The following FANK1 variants were observed in gnomAD, a reference collection of about 807,000 sequenced individuals.
The protein encoded by FANK1 is fibronectin type III and ankyrin repeat domains 1, also known as fibronectin type 3 and ankyrin repeat domains protein 1.
A neutral mutation model predicts 45.3 loss-of-function variants in FANK1; 44 were observed. That is an observed-to-expected ratio of 0.97 (90% confidence interval 0.76 to 1.25). FANK1 has a LOEUF of 1.25. Ranked by LOEUF, FANK1 falls within the 50% of genes most tolerant of loss-of-function variation. FANK1 has a pLI of 0.00. For missense variants in FANK1, 391 were observed against 424.4 expected (o/e 0.92, Z 0.69); for synonymous variants, 149 against 152.5 (o/e 0.98, Z 0.17).
chr10:125,931,687 T>C (rs1271954473), intron 1 of FANK1, among the ~76,000 whole-genome samples: 2 of 152,266 alleles, frequency 1.3e-5, no homozygotes. Flanking sequence ...ACTGTTCTTT[T>C]GCCATGCAAA....
intron 1 of FANK1, among the ~76,000 whole-genome samples, chr10:125,897,998 CAAAAAAAAAAAAAAAAAAAA>C (rs373550249): frequency 0.039 from 660 of 16,806 alleles, 15 homozygotes; most frequent in African/African-American, 0.15. Context: ...TACTAAAATA[CAAAAAAAAAAAAAAAAAAAA>C]AAAAAAAAAA....
intron 1 of FANK1, among the ~76,000 whole-genome samples, chr10:125,957,809 G>A (rs1949676327): frequency 6.6e-6 from 1 of 152,130 alleles, no homozygotes; most frequent in African/African-American, 2.4e-5. Flanking sequence ...ATAGGCGTGA[G>A]CCACCATGCC....
intron 5 of FANK1, among the ~76,000 whole-genome samples, chr10:125,996,978 A>C (rs1486804963): frequency 6.6e-6 from 1 of 152,150 alleles, no homozygotes. Flanking sequence ...CTAAGTTATA[A>C]TTTTCACAGA....
Position 125,997,449 on chromosome 10 carries a change from C to G in FANK1, c.503C>G (p.Thr168Arg), listed in dbSNP as rs1349456522. 1 of 1,613,866 alleles carries G rather than the reference C, an allele frequency of 6.2e-7. No homozygotes were observed. The highest frequency in any genetic ancestry group is 2.2e-5 in the East Asian group (1 of 44,876). ...GTGAAAATCCTAGTTTCTAATGGCA[C>G]AGACGTGAATCTGAAGAATGGAAGT... Reference protein sequence around the residue: ...RLVKILVSNGTDVNLKNGSGK... With the variant: ...RLVKILVSNGRDVNLKNGSGK... The change falls in exon 6 of 11, where the codon ACA becomes AGA. Residue 168 changes from threonine (T) to arginine (R), a missense_variant. Transcript: ENST00000368693.
intron 1 of FANK1, among the ~76,000 whole-genome samples, chr10:125,907,679 A>G (rs993916008): frequency 5.3e-5 from 8 of 152,044 alleles, no homozygotes; most frequent in Admixed American, 5.2e-4. Context: ...AGGATATGAG[A>G]TAGACATATT....
At chr10:125,965,205 A>T (rs960797736) in intron 1 of FANK1, among the ~76,000 whole-genome samples, 1 of 152,214 alleles carries the variant, frequency 6.6e-6, no homozygotes, top group African/African-American at 2.4e-5. Flanking sequence ...GCAAAATGTC[A>T]TCATTGTAAT....
At chr10:125,956,206 G>GGA (rs1554930999) in intron 1 of FANK1, among the ~76,000 whole-genome samples, 2 of 145,376 alleles carry the variant, frequency 1.4e-5, no homozygotes, top group African/African-American at 2.5e-5. Context: ...ATTTTTTGGG[G>GGA]GGGGGGCGGT....
chr10:125,926,809 T>C (rs1380665548), intron 1 of FANK1, among the ~76,000 whole-genome samples: 4 of 152,256 alleles, frequency 2.6e-5, no homozygotes, highest in Non-Finnish European at 5.9e-5. Flanking sequence ...TGTTTAGTAA[T>C]GGTTTCCTTG....
At position 125,931,616 on chromosome 10, in the gene FANK1, G is replaced by A. The variant is rs971507009; in HGVS notation, c.13+34961G>A. ...TGTAGATTCTGGATATTAGTCCTTCGTCAGATGTATAGATTGTGAAGATTT... is the reference window on the plus strand; with the variant it reads ...TGTAGATTCTGGATATTAGTCCTTCATCAGATGTATAGATTGTGAAGATTT... On this transcript the variant is annotated intron_variant, in intron 1 of 10. Coordinates refer to ENST00000368693, the MANE Select transcript of FANK1 (RefSeq NM_145235.5). 2.6e-5 allele frequency among the ~76,000 whole-genome samples: 4 copies of A among 152,056 alleles called. No individual in the cohort carries two copies. In the South Asian group the frequency reaches 6.2e-4, roughly 24 times the overall value.
intron 1 of FANK1, among the ~76,000 whole-genome samples, chr10:125,950,179 G>A (rs1949106062): frequency 2.7e-5 from 4 of 149,396 alleles, no homozygotes; most frequent in African/African-American, 7.5e-5. Context: ...GAAAACCTAG[G>A]CATTACCATT....
At chr10:125,937,915 T>C (rs1948205123) in intron 1 of FANK1, among the ~76,000 whole-genome samples, 1 of 152,140 alleles carries the variant, frequency 6.6e-6, no homozygotes, top group African/African-American at 2.4e-5. Flanking sequence ...CACGCTAATG[T>C]TGTACCGATT....
chr10:125,965,492 A>G lies in FANK1; in HGVS notation c.14-14669A>G, dbSNP rs566774833. 2.0e-5 allele frequency among the ~76,000 whole-genome samples: 3 copies of G among 152,352 alleles called. 1 individual carries two copies. The East Asian group carries it at 5.8e-4, about 29-fold the overall frequency. On this transcript the variant is annotated intron_variant, in intron 1 of 10. Transcript: ENST00000368693. ...TTTTACACACTCAGTGTGCATTTCC[A>G]TAGAAGATCTCAGGAGCTCCATACC... is the stretch of plus-strand genomic sequence containing the variant.
chr10:125,936,330 T>A (rs1194083900), intron 1 of FANK1, among the ~76,000 whole-genome samples: 1 of 151,886 alleles, frequency 6.6e-6, no homozygotes, highest in African/African-American at 2.4e-5. Context: ...TAAACATAAC[T>A]TTTTATAGAA....
intron 1 of FANK1, among the ~76,000 whole-genome samples, chr10:125,919,299 G>A (rs975842948): frequency 3.7e-5 from 5 of 134,008 alleles, no homozygotes; most frequent in African/African-American, 8.4e-5. Flanking sequence ...TCCGCTTCCC[G>A]GTTTCAAGCA....
chr10:125,999,198 C>CT (rs34338283), intron 6 of FANK1, among the ~76,000 whole-genome samples: 1,378 of 124,438 alleles, frequency 0.011, 25 homozygotes, highest in African/African-American at 0.034. Context: ...TAAAAAGTAT[C>CT]TTTTTTTTTT....
intron 5 of FANK1, among the ~76,000 whole-genome samples, chr10:125,996,855 T>C (rs533425969): frequency 6.6e-6 from 1 of 152,270 alleles, no homozygotes; most frequent in East Asian, 1.9e-4. Flanking sequence ...AGGTAGCCAT[T>C]TAATTACATG....
intron 1 of FANK1, among the ~76,000 whole-genome samples, chr10:125,898,342 A>G (rs1247315299): frequency 2.0e-5 from 3 of 152,096 alleles, no homozygotes; most frequent in African/African-American, 4.8e-5. Context: ...GGATTGAACA[A>G]CGGATCGGAC....
intron 1 of FANK1, among the ~76,000 whole-genome samples, chr10:125,933,128 C>G (rs1006077486): frequency 7.2e-5 from 11 of 152,088 alleles, no homozygotes; most frequent in African/African-American, 2.7e-4. Flanking sequence ...ATTTTAGCAT[C>G]TATGTTCATC....
At chr10:126,007,248 T>A (rs1007020672) in intron 7 of FANK1, 1 of 152,244 alleles carries the variant, frequency 6.6e-6, no homozygotes, top group African/African-American at 2.4e-5. Context: ...GTGCATTTAA[T>A]GATCCATGTG....
Sources: gnomAD v4.1 joint callset for allele counts (sites outside exome capture counted in the v4.1 genomes callset) on GRCh38, gnomAD v4.1.1 for gene constraint, MANE v1.5 for transcripts, NCBI Gene and HGNC (gene_info 2026-07-23, HGNC 2026-07-21) for gene names.